Variants in ACTL8 observed in about 807,000 individuals in gnomAD.
The protein encoded by ACTL8 is actin-like protein 8.
In ACTL8, 3 loss-of-function variants were observed where a neutral mutation model predicts 9.3. The observed-to-expected ratio is 0.32, with a 90% CI of 0.15 to 0.83. The LOEUF (loss-of-function observed/expected upper bound fraction) is 0.83, where lower values mean the gene tolerates loss of function less well. ACTL8 is among the 40% of genes least tolerant of loss of function. ACTL8 has a pLI of 0.57. For synonymous variants in ACTL8, 224 were observed against 205.9 expected (o/e 1.09, Z -0.75); for missense variants, 381 against 492.2 (o/e 0.77, Z 2.14).
chr1:17,822,953 T>G (rs2053675641), intron 1 of ACTL8, 32 bp from the exon 2 acceptor site: 1 of 1,501,562 alleles, frequency 6.7e-7, no homozygotes, highest in Non-Finnish European at 9.1e-7. Context: ...CTAGGCTGCC[T>G]GCACAACTAA....
chr1:17,783,381 C>T (rs1413219962), intron 1 of ACTL8, among the ~76,000 whole-genome samples: 1 of 150,592 alleles, frequency 6.6e-6, no homozygotes, highest in Non-Finnish European at 1.5e-5. Context: ...ACTCCAGGGC[C>T]TGTGACCCTA....
At chr1:17,774,239 T>C (rs1248129169) in intron 1 of ACTL8, among the ~76,000 whole-genome samples, 4 of 152,136 alleles carry the variant, frequency 2.6e-5, no homozygotes, top group Admixed American at 6.6e-5. Context: ...AATAATCGCT[T>C]CCTGCCTTTC....
At chr1:17,761,108 T>A (rs1306681022) in intron 1 of ACTL8, among the ~76,000 whole-genome samples, 1 of 150,028 alleles carries the variant, frequency 6.7e-6, no homozygotes, top group Admixed American at 6.6e-5. Flanking sequence ...CTATGCAAAC[T>A]CGGGGACAGG....
At chr1:17,810,789 A>T (rs966062009) in intron 1 of ACTL8, among the ~76,000 whole-genome samples, 7 of 152,240 alleles carry the variant, frequency 4.6e-5, no homozygotes, top group African/African-American at 1.4e-4. Context: ...TATTTCATGT[A>T]GCATAGTAAT....
At position 17,826,584 on chromosome 1, in the gene ACTL8, AAATGTTCTGGGTGGGGGTAG is replaced by A; in HGVS notation, c.*70_*89del. 6.9e-7 allele frequency: 1 copy of A among 1,441,030 alleles called. No individual in the cohort carries two copies. The highest frequency in any genetic ancestry group is 9.2e-7 in the Non-Finnish European group (1 of 1,087,678). 89.3% of individuals were successfully genotyped at this position (1,441,030 alleles called of 1,614,324 possible). The stretch of plus-strand genomic sequence containing the variant: ...GGGCACGGGCGGATTAATTTTAGCA[AAATGTTCTGGGTGGGGGTAG>A]AATGAGGTGGGGTGGGGTGAGCTGG... On this transcript the variant is annotated 3_prime_UTR_variant, in exon 3 of 3. Coordinates refer to ENST00000375406, the MANE Select transcript of ACTL8 (RefSeq NM_030812.3). This position sits in a 1 kb window ranked among gnomAD's most constrained non-coding sequence, Gnocchi z 4.5.
chr1:17,812,884 C>A (rs908647486), intron 1 of ACTL8, among the ~76,000 whole-genome samples: 16 of 152,072 alleles, frequency 1.1e-4, no homozygotes, highest in African/African-American at 3.4e-4. Flanking sequence ...ACCAAAGTAT[C>A]TCTCTCATAA....
At position 17,826,235 on chromosome 1, in the gene ACTL8, C is replaced by T; in HGVS notation, c.817C>T (p.Pro273Ser). 1 of 1,613,442 alleles carries T rather than the reference C, an allele frequency of 6.2e-7. No homozygotes were observed. The highest frequency in any genetic ancestry group is 8.5e-7 in the Non-Finnish European group (1 of 1,179,844). ...GTTCGAGCAGCCGGGGCCCAGCATC[C>T]CACGGGCCATTGTGGAATCCGTGGA... ...QVFEQPGPSI[P>S]RAIVESVESC... The change falls in exon 3 of 3, where the codon CCA (proline) becomes TCA (serine). Residue 273 changes from proline (P) to serine (S), a missense_variant. Physicochemically the swap from Pro to Ser is moderately conservative, Grantham distance 74. This residue lies in a region of ACTL8 where 243 missense variants were observed against 276.2 expected (regional missense o/e 0.88). Transcript: ENST00000375406. This position sits in a 1 kb window ranked among gnomAD's most constrained non-coding sequence, Gnocchi z 4.5.
chr1:17,806,338 A>G (rs985340964), intron 1 of ACTL8, among the ~76,000 whole-genome samples: 2 of 152,212 alleles, frequency 1.3e-5, no homozygotes, highest in African/African-American at 4.8e-5. Flanking sequence ...AGGCATAATT[A>G]AAACCCTGTC....
chr1:17,772,097 C>T (rs1269408664), intron 1 of ACTL8, among the ~76,000 whole-genome samples: 3 of 152,130 alleles, frequency 2.0e-5, no homozygotes, highest in African/African-American at 4.8e-5. Context: ...CGTGTATCCC[C>T]GTGAGGCTGA....
intron 1 of ACTL8, among the ~76,000 whole-genome samples, chr1:17,818,780 C>T (rs1400595100): frequency 6.6e-6 from 1 of 152,178 alleles, no homozygotes; most frequent in Non-Finnish European, 1.5e-5. Context: ...TTCTTTTTCT[C>T]CGCTGTACTG....
chr1:17,825,083 G>C (rs904788718), intron 2 of ACTL8, among the ~76,000 whole-genome samples: 28 of 141,552 alleles, frequency 2.0e-4, no homozygotes, highest in African/African-American at 6.5e-4. Context: ...GGGGGGCAGG[G>C]GGGCTTTGTA....
chr1:17,762,917 C>T (rs1261821217), intron 1 of ACTL8, among the ~76,000 whole-genome samples: 2 of 152,080 alleles, frequency 1.3e-5, no homozygotes, highest in East Asian at 3.9e-4. Context: ...CTGGTGGGGC[C>T]CGCGCAATAA....
intron 1 of ACTL8, among the ~76,000 whole-genome samples, chr1:17,759,276 C>T (rs960678502): frequency 6.6e-6 from 1 of 152,242 alleles, no homozygotes; most frequent in Non-Finnish European, 1.5e-5. Flanking sequence ...CAGTAGAGGG[C>T]GCCGAGGAGC....
intron 1 of ACTL8, among the ~76,000 whole-genome samples, chr1:17,770,422 C>T (rs2066074981): frequency 6.6e-6 from 1 of 152,176 alleles, no homozygotes; most frequent in Non-Finnish European, 1.5e-5. Flanking sequence ...AGCCCAAGAG[C>T]AAGATTTATT....
intron 1 of ACTL8, among the ~76,000 whole-genome samples, chr1:17,809,124 A>C (rs2102696940): frequency 6.6e-6 from 1 of 152,302 alleles, no homozygotes; most frequent in African/African-American, 2.4e-5. Flanking sequence ...GATTTAACAA[A>C]AATATGCCAG....
intron 1 of ACTL8, among the ~76,000 whole-genome samples, chr1:17,803,978 G>A (rs577406624): frequency 1.3e-5 from 2 of 152,322 alleles, no homozygotes; most frequent in East Asian, 3.9e-4. Flanking sequence ...TATGGCCTAA[G>A]TGACATCACA....
In ACTL8 at chr1:17,823,334, C is replaced by T. The variant is rs768803261; in HGVS notation, c.326C>T (p.Ala109Val). The change falls in exon 2 of 3, where the codon GCG becomes GTG. Residue 109 changes from alanine to valine, a missense_variant. Physicochemically the swap from Ala to Val is moderately conservative, Grantham distance 64. Coordinates refer to ENST00000375406, the MANE Select transcript of ACTL8 (RefSeq NM_030812.3). This position sits in a 1 kb window ranked among gnomAD's most constrained non-coding sequence, Gnocchi z 5.3. ...IITETPLREP[A>V]DRKKMLEILF... is the part of the protein sequence containing the mutation. ...ACGGAGACACCCTTGAGGGAGCCTGCGGACCGAAAGAAGATGCTGGAGGTG... is the reference window on the plus strand; with the variant it reads ...ACGGAGACACCCTTGAGGGAGCCTGTGGACCGAAAGAAGATGCTGGAGGTG... 34 of 1,613,022 alleles carry T rather than the reference C, an allele frequency of 2.1e-5. No individual in the cohort carries two copies. The highest frequency in any genetic ancestry group is 8.0e-5 in the African/African-American group (6 of 74,910).
At position 17,784,003 on chromosome 1, in the gene ACTL8, T is replaced by C. The variant is rs549598543; in HGVS notation, c.-25+28499T>C. Among the ~76,000 whole-genome samples the C allele has an allele frequency of 2.0e-5, 3 of 152,346 alleles. No homozygotes were observed. In the East Asian group the frequency reaches 5.8e-4, roughly 29 times the overall value. Reference sequence around the variant, plus strand: ...CGAGCTGCTTAAGCATGTTGAGCCTTAGTTGTCTAGTCTGTGATATGGGAA... The same window carrying C: ...CGAGCTGCTTAAGCATGTTGAGCCTCAGTTGTCTAGTCTGTGATATGGGAA... On this transcript the variant is annotated intron_variant, in intron 1 of 2. Transcript: ENST00000375406.
intron 1 of ACTL8, among the ~76,000 whole-genome samples, chr1:17,784,468 T>C (rs549973631): frequency 6.6e-6 from 1 of 152,296 alleles, no homozygotes; most frequent in African/African-American, 2.4e-5. Flanking sequence ...GCGAGTTCCA[T>C]TGTCCTCTGT....
Sources: allele counts gnomAD v4.1 joint callset (sites outside exome capture counted in the v4.1 genomes callset), GRCh38; gene constraint gnomAD v4.1.1; regional missense constraint gnomAD v4.1.1; non-coding constraint Gnocchi (gnomAD v3.1); transcripts MANE v1.5; gene names NCBI Gene and HGNC (gene_info 2026-07-23, HGNC 2026-07-21).